OPHN1: variants seen among roughly 807,000 people sequenced by gnomAD.
The protein encoded by OPHN1 is oligophrenin-1.
In OPHN1, 11 loss-of-function variants were observed where a neutral mutation model predicts 60.7. That is an observed-to-expected ratio of 0.18 (90% CI 0.11 to 0.30). The LOEUF (loss-of-function observed/expected upper bound fraction) is 0.30. Among genes scored for constraint, OPHN1 ranks in the 10% least tolerant of loss-of-function variants. OPHN1 has a pLI of 1.00. For synonymous variants in OPHN1, 226 were observed against 222.6 expected (o/e 1.02, Z -0.14); for missense variants, 449 against 611.0 (o/e 0.73, Z 2.80).
Position 68,293,877 on chromosome X carries a change from G to A in OPHN1, c.250+5124C>T, listed in dbSNP as rs1005104813. Among the ~76,000 whole-genome samples the A allele has an allele frequency of 2.7e-5, 3 of 110,790 alleles. No homozygotes were observed. The Admixed American group carries it at 2.9e-4, about 11-fold the overall frequency. ...ACCTGCCTTGTTTCACCTTAACCCT[G>A]GAACTGACTCAGATATCACTTCTCT... On this transcript the variant is annotated intron_variant, in intron 3 of 24. Transcript: ENST00000355520.
intron 20 of OPHN1, among the ~76,000 whole-genome samples, chrX:68,068,403 G>A (rs750856044): frequency 2.6e-4 from 27 of 103,558 alleles, no homozygotes; most frequent in African/African-American, 7.1e-4. Context: ...CCTGGCAGGC[G>A]GAGGTTGCAG....
intron 10 of OPHN1, among the ~76,000 whole-genome samples, chrX:68,205,370 C>A (rs927520107): frequency 1.5e-4 from 17 of 111,102 alleles, no homozygotes; most frequent in Admixed American, 1.4e-3. Context: ...ATCGCTTGAA[C>A]CCGGGAGGTG....
At chrX:68,210,319 C>T in intron 8 of OPHN1, 37 bp from the exon 9 acceptor site, 1 of 1,171,479 alleles carries the variant, frequency 8.5e-7, no homozygotes, top group Non-Finnish European at 1.2e-6. Context: ...TTATTATCAT[C>T]ATCATTATCA....
intron 2 of OPHN1, among the ~76,000 whole-genome samples, chrX:68,410,913 T>C (rs1351431050): frequency 1.8e-5 from 2 of 111,865 alleles, no homozygotes; most frequent in Non-Finnish European, 1.9e-5. Context: ...AAAATGTATA[T>C]GCACATAATG....
At chrX:68,359,486 GA>G (rs1224610481) in intron 2 of OPHN1, among the ~76,000 whole-genome samples, 1 of 110,949 alleles carries the variant, frequency 9.0e-6, no homozygotes, top group Non-Finnish European at 1.9e-5. Context: ...AGTTTATAGA[GA>G]GACCCAAGAA....
intron 15 of OPHN1, among the ~76,000 whole-genome samples, chrX:68,126,562 A>G (rs2077172847): frequency 9.0e-6 from 1 of 110,714 alleles, no homozygotes; most frequent in Non-Finnish European, 1.9e-5. Flanking sequence ...CTCGTGCCTC[A>G]GCCTCCTGAG....
At position 68,393,601 on chromosome X, in the gene OPHN1, T is replaced by C. The variant is rs182564388; in HGVS notation, c.154+39266A>G. Reference sequence around the variant, plus strand: ...CATATACAAATTGGAGTTTCATGCGTCAAACATATCATCCTTTCCTTTCTG... The same window carrying C: ...CATATACAAATTGGAGTTTCATGCGCCAAACATATCATCCTTTCCTTTCTG... On this transcript the variant is annotated intron_variant, in intron 2 of 24. Transcript: ENST00000355520. 4.5e-5 allele frequency among the ~76,000 whole-genome samples: 5 copies of C among 112,146 alleles called. No homozygotes were observed. In the East Asian group the frequency reaches 1.4e-3, roughly 31 times the overall value.
At chrX:68,095,355 T>C (rs1444349776) in intron 19 of OPHN1, among the ~76,000 whole-genome samples, 2 of 112,124 alleles carry the variant, frequency 1.8e-5, no homozygotes, top group Non-Finnish European at 3.8e-5. Flanking sequence ...TCTGTTTCCA[T>C]ATTGTCTATG....
At chrX:68,233,609 T>C (rs928622891) in intron 6 of OPHN1, among the ~76,000 whole-genome samples, 3 of 111,372 alleles carry the variant, frequency 2.7e-5, no homozygotes, top group African/African-American at 9.8e-5. Flanking sequence ...TAATTCACCC[T>C]ACAACCTATG....
intron 18 of OPHN1, among the ~76,000 whole-genome samples, chrX:68,100,981 C>T (rs1399812409): frequency 2.7e-5 from 3 of 110,827 alleles, no homozygotes; most frequent in East Asian, 5.7e-4. Flanking sequence ...CTCCTGACCT[C>T]GTGATCCGCC....
intron 5 of OPHN1, among the ~76,000 whole-genome samples, chrX:68,264,641 TACTGGGTTCATCTCACTGGGGAGTGTC>T (rs1349557841): frequency 9.0e-6 from 1 of 111,730 alleles, no homozygotes; most frequent in East Asian, 2.8e-4. Context: ...CCAACTGAGG[TACTGGGTTCATCTCACTGGGGAGTGTC>T]AGAAAGTGGG....
chrX:68,095,934 T>C (rs994406333), intron 19 of OPHN1, among the ~76,000 whole-genome samples: 6 of 112,050 alleles, frequency 5.4e-5, no homozygotes. Context: ...ATGCCTTATA[T>C]TTTATGTGCA....
intron 2 of OPHN1, among the ~76,000 whole-genome samples, chrX:68,338,012 CTTTTT>C (rs990678278): frequency 9.1e-6 from 1 of 110,119 alleles, no homozygotes; most frequent in African/African-American, 3.3e-5. Context: ...GATTCACTTT[CTTTTT>C]TTTTATTTAT....
chrX:68,212,028 A>G, intron 8 of OPHN1, 80 bp downstream of exon 8: 3 of 690,524 alleles, frequency 4.3e-6, no homozygotes, highest in Non-Finnish European at 6.9e-6. Flanking sequence ...GTAACCTAGA[A>G]TTCCAAGAAT....
chrX:68,350,173 C>A (rs1222739726), intron 2 of OPHN1, among the ~76,000 whole-genome samples: 1 of 111,442 alleles, frequency 9.0e-6, no homozygotes, highest in Non-Finnish European at 1.9e-5. Flanking sequence ...ACCTTAATTA[C>A]ACTGATTTGA....
At chrX:68,399,979 GTTGC>G (rs1569303305) in intron 2 of OPHN1, among the ~76,000 whole-genome samples, 1 of 110,123 alleles carries the variant, frequency 9.1e-6, no homozygotes, top group Non-Finnish European at 1.9e-5. Flanking sequence ...GCTCTGATTG[GTTGC>G]TTTCTGTAAC....
intron 10 of OPHN1, among the ~76,000 whole-genome samples, chrX:68,203,651 C>T (rs781021781): frequency 8.9e-6 from 1 of 111,981 alleles, no homozygotes; most frequent in African/African-American, 3.2e-5. Flanking sequence ...GGGACCTAGG[C>T]CCTGCCCACC....
At chrX:68,105,905 C>CT (rs1413983204) in intron 18 of OPHN1, among the ~76,000 whole-genome samples, 2 of 110,199 alleles carry the variant, frequency 1.8e-5, no homozygotes, top group Admixed American at 1.9e-4. Flanking sequence ...GGACAAACAC[C>CT]TATAAAAGGC....
chrX:68,429,568 T>A (rs751460604), intron 2 of OPHN1, among the ~76,000 whole-genome samples: 1 of 110,156 alleles, frequency 9.1e-6, no homozygotes, highest in Non-Finnish European at 1.9e-5. Flanking sequence ...CTAAAAAAAA[T>A]TAAAAATTAG....
Sources: gnomAD v4.1 joint callset for allele counts (sites outside exome capture counted in the v4.1 genomes callset) on GRCh38, gnomAD v4.1.1 for gene constraint, MANE v1.5 for transcripts, NCBI Gene and HGNC (gene_info 2026-07-23, HGNC 2026-07-21) for gene names.